TSPAN18: variants seen among roughly 807,000 people sequenced by gnomAD.
The protein encoded by TSPAN18 is tetraspanin 18.
TSPAN18 carries 14 observed loss-of-function variants against 27.3 expected under a neutral mutation model. The ratio of observed to expected loss-of-function variants is 0.51; its 90% confidence interval spans 0.34 to 0.80. TSPAN18 has a LOEUF of 0.80. Ranked by LOEUF, TSPAN18 falls within the 30% of genes least tolerant of loss-of-function variation. The pLI is 0.01. For synonymous variants in TSPAN18, 143 were observed against 136.5 expected (o/e 1.05, Z -0.33); for missense variants, 268 against 323.9 (o/e 0.83, Z 1.32).
intron 2 of TSPAN18, among the ~76,000 whole-genome samples, chr11:44,846,946 A>G (rs1482239809): frequency 6.6e-6 from 1 of 152,184 alleles, no homozygotes; most frequent in Non-Finnish European, 1.5e-5. Context: ...CTCCAGGGGC[A>G]TTCATAGTGT....
chr11:44,868,706 T>A (rs896886582), intron 3 of TSPAN18, among the ~76,000 whole-genome samples: 2 of 151,896 alleles, frequency 1.3e-5, no homozygotes, highest in African/African-American at 2.4e-5. Context: ...AGGAGAAAAC[T>A]TGCAAACCAC....
intron 1 of TSPAN18, among the ~76,000 whole-genome samples, chr11:44,728,657 T>C (rs1854578416): frequency 6.6e-6 from 1 of 152,182 alleles, no homozygotes; most frequent in Non-Finnish European, 1.5e-5. Flanking sequence ...CACATTCTTC[T>C]GGTCATTTCA....
intron 3 of TSPAN18, among the ~76,000 whole-genome samples, chr11:44,862,191 G>A (rs1310748350): frequency 6.6e-6 from 1 of 152,230 alleles, no homozygotes; most frequent in African/African-American, 2.4e-5. Context: ...CCGTCTCTGG[G>A]GGCACGAGGG....
chr11:44,911,372 G>A lies in TSPAN18; in HGVS notation c.258+1473G>A, dbSNP rs189173642. Among the ~76,000 whole-genome samples, 625 of 152,226 alleles carry A rather than the reference G, an allele frequency of 4.1e-3. 5 individuals carry two copies. Among genetic ancestry groups the A allele is most frequent in the Non-Finnish European group, 6.3e-3 (426 of 68,006 alleles). On this transcript the variant is annotated intron_variant, in intron 5 of 9. Transcript: ENST00000520358. ...CACTGCACGGCCCCATTTGTGTCCC[G>A]GTGAGATGCTCCCCATCCAAAGGAA... is the stretch of plus-strand genomic sequence containing the variant.
intron 4 of TSPAN18, 56 bp downstream of exon 4, chr11:44,906,535 C>A: frequency 2.7e-6 from 4 of 1,508,684 alleles, no homozygotes; most frequent in South Asian, 2.2e-5. Flanking sequence ...CTGGCTGCTG[C>A]TTTGAAATAG....
chr11:44,910,236 C>T (rs1487848532), intron 5 of TSPAN18, among the ~76,000 whole-genome samples: 1 of 152,228 alleles, frequency 6.6e-6, no homozygotes, highest in Non-Finnish European at 1.5e-5. Flanking sequence ...GGTAGCCCTT[C>T]CTCTCTCCCA....
chr11:44,910,835 T>C (rs10769093), intron 5 of TSPAN18, among the ~76,000 whole-genome samples: 91,429 of 152,098 alleles, frequency 0.6, 28,532 homozygotes, highest in East Asian at 0.83. Context: ...AGCTGGGCAG[T>C]GGGCAGGCCT....
intron 2 of TSPAN18, among the ~76,000 whole-genome samples, chr11:44,811,175 C>CACACACACAG (rs1554986590): frequency 4.0e-5 from 6 of 149,426 alleles, no homozygotes; most frequent in African/African-American, 1.2e-4. Context: ...CACACACACA[C>CACACACACAG]CCCTGCCTGT....
chr11:44,730,407 A>G (rs1400704144), intron 1 of TSPAN18, among the ~76,000 whole-genome samples: 3 of 152,068 alleles, frequency 2.0e-5, no homozygotes, highest in African/African-American at 7.2e-5. Flanking sequence ...AAAATCAGGA[A>G]CATTTGTTCA....
intron 2 of TSPAN18, among the ~76,000 whole-genome samples, chr11:44,787,401 A>G (rs964861819): frequency 1.3e-5 from 2 of 152,176 alleles, no homozygotes; most frequent in African/African-American, 4.8e-5. Context: ...CCCACCTGCA[A>G]TTCGGATCTT....
At chr11:44,790,871 G>A (rs1210646818) in intron 2 of TSPAN18, among the ~76,000 whole-genome samples, 1 of 152,182 alleles carries the variant, frequency 6.6e-6, no homozygotes, top group African/African-American at 2.4e-5. Context: ...AGCCAGGACA[G>A]GGTGACGTGG....
At position 44,760,030 on chromosome 11, in the gene TSPAN18, G is replaced by A. The variant is rs182029503; in HGVS notation, c.-239-4396G>A. Among the ~76,000 whole-genome samples, 15 of 152,318 alleles carry A rather than the reference G, an allele frequency of 9.8e-5. No individual in the cohort carries two copies. The East Asian group carries it at 2.7e-3, about 27-fold the overall frequency. Reference sequence around the variant, plus strand: ...AAGGAAGAGAGGAATTCCAGGAAGAGCAAACATCAGGGAAGTTGGGCTGAG... The same window carrying A: ...AAGGAAGAGAGGAATTCCAGGAAGAACAAACATCAGGGAAGTTGGGCTGAG... On this transcript the variant is annotated intron_variant, in intron 1 of 9. Transcript: ENST00000520358.
chr11:44,859,027 G>T (rs1189421653), intron 2 of TSPAN18, among the ~76,000 whole-genome samples: 1 of 152,200 alleles, frequency 6.6e-6, no homozygotes, highest in African/African-American at 2.4e-5. Context: ...AGCTTGCAGA[G>T]CGCTAATGAC....
chr11:44,783,967 TG>T (rs1168868800), intron 2 of TSPAN18, among the ~76,000 whole-genome samples: 1 of 152,198 alleles, frequency 6.6e-6, no homozygotes, highest in Non-Finnish European at 1.5e-5. Flanking sequence ...GAAAACCTCC[TG>T]GGACCCCAGA....
intron 2 of TSPAN18, among the ~76,000 whole-genome samples, chr11:44,810,547 C>G (rs1257534860): frequency 6.6e-6 from 1 of 151,462 alleles, no homozygotes; most frequent in Non-Finnish European, 1.5e-5. Flanking sequence ...TTATTTCTAT[C>G]TTTTGGCTGT....
chr11:44,815,894 G>A (rs777408646), intron 2 of TSPAN18, among the ~76,000 whole-genome samples: 1 of 152,168 alleles, frequency 6.6e-6, no homozygotes, highest in Non-Finnish European at 1.5e-5. Flanking sequence ...GAGGAGGCTG[G>A]GTGGCTGGGC....
At chr11:44,922,440 C>A (rs1024177180) in intron 8 of TSPAN18, among the ~76,000 whole-genome samples, 1 of 152,098 alleles carries the variant, frequency 6.6e-6, no homozygotes, top group African/African-American at 2.4e-5. Flanking sequence ...TCTGACTTTG[C>A]TGGCAGGCCC....
At position 44,792,732 on chromosome 11, in the gene TSPAN18, T is replaced by C. The variant is rs113919624; in HGVS notation, c.-153+28220T>C. Among the ~76,000 whole-genome samples, 566 of 152,254 alleles carry C rather than the reference T, an allele frequency of 3.7e-3. 4 individuals carry two copies. The highest frequency in any genetic ancestry group is 0.013 in the African/African-American group (543 of 41,558). On this transcript the variant is annotated intron_variant, in intron 2 of 9. Transcript: ENST00000520358. ...AAGAGGTGACACCTCAGTTAGCTCT[T>C]GAAGGAGTGGACCTCCACCCCGGGG...
At chr11:44,728,310 A>G (rs1854568706) in intron 1 of TSPAN18, among the ~76,000 whole-genome samples, 3 of 152,236 alleles carry the variant, frequency 2.0e-5, no homozygotes, top group Admixed American at 2.0e-4. Flanking sequence ...AAGATGTAAG[A>G]AACTACAACT....
Sources: gnomAD v4.1 joint callset for allele counts (sites outside exome capture counted in the v4.1 genomes callset) on GRCh38, gnomAD v4.1.1 for gene constraint, MANE v1.5 for transcripts, NCBI Gene and HGNC (gene_info 2026-07-23, HGNC 2026-07-21) for gene names.